The following VPS13D variants were observed in gnomAD, a reference collection of about 807,000 sequenced individuals.
VPS13D encodes the protein intermembrane lipid transfer protein VPS13D.
In VPS13D, 187 loss-of-function variants were observed where a neutral mutation model predicts 461.9. That is an observed-to-expected ratio of 0.40 (90% CI 0.36 to 0.46). VPS13D has a LOEUF of 0.46. Ranked by LOEUF, VPS13D falls within the 20% of genes least tolerant of loss-of-function variation. The pLI is 0.60. For missense variants in VPS13D, 4,711 were observed against 5,364.9 expected (o/e 0.88, Z 3.81); for synonymous variants, 1,951 against 1,986.3 (o/e 0.98, Z 0.47).
intron 67 of VPS13D, among the ~76,000 whole-genome samples, chr1:12,493,057 G>A (rs1430290504): frequency 1.3e-5 from 2 of 149,052 alleles, no homozygotes; most frequent in African/African-American, 2.5e-5. Context: ...TGTGGTCCAC[G>A]ATTGAGTGAT....
intron 21 of VPS13D, among the ~76,000 whole-genome samples, chr1:12,286,133 A>G (rs1367670465): frequency 6.6e-6 from 1 of 151,334 alleles, no homozygotes; most frequent in East Asian, 2.0e-4. Context: ...GCTGGAGTGC[A>G]ATGGCATGAT....
intron 67 of VPS13D, among the ~76,000 whole-genome samples, chr1:12,467,587 C>T (rs1343061645): frequency 1.3e-5 from 2 of 152,202 alleles, no homozygotes; most frequent in Admixed American, 6.5e-5. Flanking sequence ...TCTTCCCTCT[C>T]GCTGAACTCT....
rs1033012260 is a variant in VPS13D at position 12,510,755 on chromosome 1, A to ATGAT, written c.*1734_*1737dup. ...GTGTGTGTCTTGCTGGGGGGTGGTG[A>ATGAT]TGATTGTCTCAGCACTCACGCACTG... is the stretch of plus-strand genomic sequence containing the variant. On this transcript the variant is annotated 3_prime_UTR_variant, in exon 70 of 70. Coordinates refer to ENST00000620676, the MANE Select transcript of VPS13D (RefSeq NM_015378.4). 8 of 152,334 alleles carry ATGAT rather than the reference A, an allele frequency of 5.3e-5. No individual in the cohort carries two copies. The highest frequency in any genetic ancestry group is 1.9e-4 in the African/African-American group (8 of 41,526). 9.4% of individuals were successfully genotyped at this position (152,334 alleles called of 1,614,324 possible).
intron 67 of VPS13D, among the ~76,000 whole-genome samples, chr1:12,477,565 C>G (rs1027572610): frequency 4.6e-5 from 7 of 152,154 alleles, no homozygotes; most frequent in African/African-American, 1.7e-4. Context: ...AACTCTAAAA[C>G]TAAAATGAAG....
chr1:12,435,447 C>A (rs1645047379), intron 65 of VPS13D, among the ~76,000 whole-genome samples: 1 of 152,108 alleles, frequency 6.6e-6, no homozygotes, highest in Non-Finnish European at 1.5e-5. Context: ...GGTGACAGAG[C>A]AGGACCCTGT....
At chr1:12,469,617 C>T (rs976237937) in intron 67 of VPS13D, among the ~76,000 whole-genome samples, 3 of 152,134 alleles carry the variant, frequency 2.0e-5, no homozygotes, top group Admixed American at 6.6e-5. Flanking sequence ...TGGGCTAATT[C>T]GGACTAAACC....
rs559501204 is a variant in VPS13D, at chr1:12,335,109, G to A, written c.8429-596G>A. On this transcript the variant is annotated intron_variant, in intron 38 of 69. Transcript: ENST00000620676. ...GTGGAGAATTGTCTGCTGAATTTCA[G>A]CCTCTGGAGTGCAGTGGCATGATCT... is the stretch of plus-strand genomic sequence containing the variant. Among the ~76,000 whole-genome samples, 7 of 152,294 alleles carry A rather than the reference G, an allele frequency of 4.6e-5. No individual in the cohort carries two copies. The South Asian group carries it at 1.5e-3, about 32-fold the overall frequency.
At position 12,251,906 on chromosome 1, in the gene VPS13D, G is replaced by C. The variant is rs74053828; in HGVS notation, c.565-1816G>C. On this transcript the variant is annotated intron_variant, in intron 6 of 69. Transcript: ENST00000620676. ...AGCAACATAAATTTATTCTCTAGACGAGAGGTCTGAAGTCAAGGGGTTGTG... is the reference window on the plus strand; with the variant it reads ...AGCAACATAAATTTATTCTCTAGACCAGAGGTCTGAAGTCAAGGGGTTGTG... Among the ~76,000 whole-genome samples the C allele has an allele frequency of 7.9e-3, 1,202 of 152,236 alleles. 17 individuals are homozygous for C. The highest frequency in any genetic ancestry group is 0.028 in the African/African-American group (1,145 of 41,538).
Position 12,321,794 on chromosome 1 carries a change from C to T in VPS13D, c.7549-15C>T. 1.3e-6 allele frequency: 2 copies of T among 1,592,478 alleles called. No individual in the cohort carries two copies. Among genetic ancestry groups the T allele is most frequent in the Non-Finnish European group, 1.7e-6 (2 of 1,172,974 alleles). ...TCAGACATTAATTCTCGCCATATTG[C>T]ATTTCATTCTGTAGGTGTTTTCATG... On this transcript the variant is annotated splice_polypyrimidine_tract_variant and intron_variant, in intron 32 of 69. Transcript: ENST00000620676.
At chr1:12,331,666 C>G (rs193240156) in intron 37 of VPS13D, among the ~76,000 whole-genome samples, 1 of 143,592 alleles carries the variant, frequency 7.0e-6, no homozygotes, top group Non-Finnish European at 1.5e-5. Context: ...GAGCCAAGAT[C>G]GTGCCACTGC....
intron 18 of VPS13D, among the ~76,000 whole-genome samples, chr1:12,274,134 A>T (rs1641537847): frequency 6.6e-6 from 1 of 152,080 alleles, no homozygotes; most frequent in South Asian, 2.1e-4. Flanking sequence ...TCTGCCTCCC[A>T]GGTTCAAGCA....
At position 12,444,148 on chromosome 1, in the gene VPS13D, A is replaced by G. The variant is rs142033961; in HGVS notation, c.12334-11850A>G. On this transcript the variant is annotated intron_variant, in intron 65 of 69. Transcript: ENST00000620676. ...GAGCCACCGTGCCCAGCTTCAGAAA[A>G]CATCTTTCTTTCACCTATATTTTTG... Among the ~76,000 whole-genome samples the G allele has an allele frequency of 7.2e-4, 109 of 152,020 alleles. 2 individuals are homozygous for G. In the East Asian group the frequency reaches 0.017, roughly 23 times the overall value.
chr1:12,489,720 A>C (rs1025801514), intron 67 of VPS13D, among the ~76,000 whole-genome samples: 5 of 152,206 alleles, frequency 3.3e-5, no homozygotes, highest in Non-Finnish European at 7.3e-5. Context: ...ATACACTAAT[A>C]AAAAGAATAG....
intron 67 of VPS13D, among the ~76,000 whole-genome samples, chr1:12,496,815 C>T (rs1645964294): frequency 6.6e-6 from 1 of 152,234 alleles, no homozygotes. Context: ...AGCTGAGTGG[C>T]CCGAGTTAGA....
chr1:12,359,975 A>G (rs962896088), intron 50 of VPS13D, among the ~76,000 whole-genome samples: 1 of 152,202 alleles, frequency 6.6e-6, no homozygotes, highest in African/African-American at 2.4e-5. Flanking sequence ...TGGAAGCTGT[A>G]GTTGGGACAA....
intron 21 of VPS13D, 48 bp downstream of exon 21, chr1:12,283,784 G>A (rs776295644): frequency 2.0e-6 from 3 of 1,524,970 alleles, no homozygotes; most frequent in Non-Finnish European, 2.6e-6. Flanking sequence ...AATGGATTTG[G>A]GCTTGTTGAT....
intron 20 of VPS13D, among the ~76,000 whole-genome samples, chr1:12,281,457 C>G (rs562975366): frequency 1.2e-3 from 181 of 152,168 alleles, no homozygotes; most frequent in Non-Finnish European, 2.2e-3. Context: ...TTTGGCTGTT[C>G]GTGTGCCACT....
intron 68 of VPS13D, among the ~76,000 whole-genome samples, chr1:12,499,248 C>T (rs144055001): frequency 9.7e-4 from 148 of 152,266 alleles, no homozygotes; most frequent in South Asian, 2.3e-3. Context: ...GGAAAGAATC[C>T]TCAGCACATA....
chr1:12,386,538 A>C (rs1644353171), intron 60 of VPS13D, among the ~76,000 whole-genome samples: 1 of 152,232 alleles, frequency 6.6e-6, no homozygotes, highest in South Asian at 2.1e-4. Context: ...CATATATTAG[A>C]GGTAACTCAG....
Sources: allele counts gnomAD v4.1 joint callset (sites outside exome capture counted in the v4.1 genomes callset), GRCh38; gene constraint gnomAD v4.1.1; transcripts MANE v1.5; gene names NCBI Gene and HGNC (gene_info 2026-07-23, HGNC 2026-07-21).